SUN2: variants seen among roughly 807,000 people sequenced by gnomAD.
SUN2 encodes Sad1 and UNC84 domain containing 2, also known as SUN domain-containing protein 2.
In SUN2, 60 loss-of-function variants were observed where a neutral mutation model predicts 100.0. That is an observed-to-expected ratio of 0.60 (90% CI 0.49 to 0.74). The LOEUF is 0.74. SUN2 is among the 30% of genes least tolerant of loss of function. The probability of loss-of-function intolerance (pLI) is 0.00; values close to 1 mark genes in which losing one functional copy is unlikely to be tolerated. For synonymous variants in SUN2, 367 were observed against 403.3 expected (o/e 0.91, Z 1.08); for missense variants, 834 against 954.6 (o/e 0.87, Z 1.66).
chr22:38,740,241 G>T lies in SUN2; in HGVS notation c.1356+26C>A, dbSNP rs1441964639. The T allele has an allele frequency of 6.5e-7, 1 of 1,527,476 alleles. No individual in the cohort carries two copies. Among genetic ancestry groups the T allele is most frequent in the African/African-American group, 1.4e-5 (1 of 72,984 alleles). 94.6% of individuals were successfully genotyped at this position (1,527,476 alleles called of 1,614,324 possible). A position where few individuals can be genotyped will look rare whatever the true frequency, so the allele number is the denominator to read the frequency against. On this transcript the variant is annotated intron_variant, in intron 12 of 17. Transcript: ENST00000689035. The surrounding 1 kb of genome is among the most constrained non-coding windows in gnomAD (Gnocchi z 4.8). ...TCTCAAAGGAGGAGGAGAGGGACCA[G>T]CAGGGCCCTGGTGGTTCCCACTCAC...
intron 4 of SUN2, among the ~76,000 whole-genome samples, chr22:38,750,636 A>T (rs1271152208): frequency 6.6e-6 from 1 of 152,248 alleles, no homozygotes; most frequent in East Asian, 1.9e-4. Flanking sequence ...AAGTGCTGGA[A>T]TGGGCCTGAA....
rs933764195 is a variant in SUN2, at chr22:38,755,956, C to A, written c.-231G>T. 3.1e-6 allele frequency: 3 copies of A among 983,198 alleles called. No individual in the cohort carries two copies. The highest frequency in any genetic ancestry group is 5.2e-4 in the Middle Eastern group (1 of 1,914). The allele number at this position is 983,198 out of a possible 1,614,324, so 60.9% of individuals were successfully genotyped here. On this transcript the variant is annotated 5_prime_UTR_variant, in exon 1 of 18. Coordinates refer to ENST00000689035, the MANE Select transcript of SUN2 (RefSeq NM_015374.3). This position sits in a 1 kb window ranked among gnomAD's most constrained non-coding sequence, Gnocchi z 5.7. ...GCGGGCGGGCGGACAATGCGGCCGG[C>A]GGAGGCCCGCGCTGCGCGAGTGGGG...
At position 38,752,677 on chromosome 22, in the gene SUN2, G is replaced by C. The variant is rs1323801289; in HGVS notation, c.-37-12C>G. On this transcript the variant is annotated splice_polypyrimidine_tract_variant and intron_variant, in intron 1 of 17. Coordinates refer to ENST00000689035, the MANE Select transcript of SUN2 (RefSeq NM_015374.3). ...CCCCTGAAGAGAATCTAAGGAGAGA[G>C]AGGAGGAGGACTGGATGTGAGGCCT... The C allele has an allele frequency of 6.2e-7, 1 of 1,603,324 alleles. No individual in the cohort carries two copies. Among genetic ancestry groups the C allele is most frequent in the South Asian group, 1.1e-5 (1 of 90,090 alleles).
rs374339478 is a variant in SUN2 at position 38,738,141 on chromosome 22, G to A, written c.2040+32C>T. The A allele has an allele frequency of 2.2e-5, 36 of 1,601,742 alleles. No homozygotes were observed. The highest frequency in any genetic ancestry group is 2.7e-5 in the Non-Finnish European group (31 of 1,169,162). On this transcript the variant is annotated intron_variant, in intron 17 of 17. Coordinates refer to ENST00000689035, the MANE Select transcript of SUN2 (RefSeq NM_015374.3). This position sits in a 1 kb window ranked among gnomAD's most constrained non-coding sequence, Gnocchi z 6.6. ...CCTGCTGCCTGGATGGGGAGTCTGCGCCACTTCTGCTAGCACAGCAGCATC... is the reference window on the plus strand; with the variant it reads ...CCTGCTGCCTGGATGGGGAGTCTGCACCACTTCTGCTAGCACAGCAGCATC...
intron 1 of SUN2, among the ~76,000 whole-genome samples, chr22:38,753,072 G>A (rs1278435355): frequency 6.6e-6 from 1 of 152,078 alleles, no homozygotes. Flanking sequence ...CGGTGGTCCA[G>A]CCACCCCACC....
chr22:38,737,391 C>A lies in SUN2; in HGVS notation c.2040+782G>T, dbSNP rs189689030. Among the ~76,000 whole-genome samples the A allele has an allele frequency of 2.0e-5, 3 of 152,264 alleles. No homozygotes were observed. The highest frequency in any genetic ancestry group is 4.8e-5 in the African/African-American group (2 of 41,556). ...GCTACGTCTTTGTCCTCACTCCCAA[C>A]GCCCCTCTCCCCCACCTATCCTGTT... On this transcript the variant is annotated intron_variant, in intron 17 of 17. Transcript: ENST00000689035. This position sits in a 1 kb window ranked among gnomAD's most constrained non-coding sequence, Gnocchi z 4.1.
At chr22:38,750,203 C>G in intron 5 of SUN2, 22 bp downstream of exon 5, 1 of 1,603,994 alleles carries the variant, frequency 6.2e-7, no homozygotes, top group East Asian at 2.2e-5. Context: ...ATGGAAGTAA[C>G]TGGGCACGGG....
chr22:38,753,982 G>A (rs893108602), intron 1 of SUN2, among the ~76,000 whole-genome samples: 6 of 152,186 alleles, frequency 3.9e-5, no homozygotes, highest in Non-Finnish European at 8.8e-5. Context: ...ATACAAACTT[G>A]TTACACAACA....
At chr22:38,741,390 C>T (rs1262352053) in intron 10 of SUN2, 104 bp downstream of exon 10, 2 of 1,212,790 alleles carry the variant, frequency 1.6e-6, no homozygotes, top group Non-Finnish European at 2.4e-6. Context: ...CCTCCCCATG[C>T]AACACCCAAA....
At chr22:38,754,733 C>T in intron 1 of SUN2, 1 of 1,289,158 alleles carries the variant, frequency 7.8e-7, no homozygotes, top group South Asian at 1.2e-5. Context: ...AACAAGGCAA[C>T]ATGTTTATAC....
Position 38,737,970 on chromosome 22 carries a change from CCTT to C in SUN2, c.2040+200_2040+202del, listed in dbSNP as rs2092821000. 6 of 706,456 alleles carry C rather than the reference CCTT, an allele frequency of 8.5e-6. No homozygotes were observed. Among genetic ancestry groups the C allele is most frequent in the Non-Finnish European group, 1.6e-5 (6 of 378,746 alleles). 43.8% of individuals were successfully genotyped at this position (706,456 alleles called of 1,614,324 possible). On this transcript the variant is annotated intron_variant, in intron 17 of 17. Transcript: ENST00000689035. This position sits in a 1 kb window ranked among gnomAD's most constrained non-coding sequence, Gnocchi z 4.1. ...TTCCAGGAAGCTTCCCTCATGCTGC[CCTT>C]CTGGAAGGTGCCTTCCCCTGTGCTG... is the stretch of plus-strand genomic sequence containing the variant.
At chr22:38,742,171 G>A (rs1168152355) in intron 9 of SUN2, 130 bp downstream of exon 9, 3 of 1,168,524 alleles carry the variant, frequency 2.6e-6, no homozygotes, top group Non-Finnish European at 3.5e-6. Flanking sequence ...GAAAAAAAGA[G>A]AAAGGGAGTA....
At chr22:38,736,513 A>C in intron 17 of SUN2, 133 bp from the exon 18 acceptor site, 3 of 656,848 alleles carry the variant, frequency 4.6e-6, no homozygotes, top group Non-Finnish European at 7.4e-6. Context: ...TCTGAAGAGA[A>C]CCAGGCTTCA....
chr22:38,753,249 G>A (rs2092961586), intron 1 of SUN2, among the ~76,000 whole-genome samples: 1 of 128,616 alleles, frequency 7.8e-6, no homozygotes, highest in South Asian at 2.5e-4. Context: ...GGAGTCTCGC[G>A]CTGCCTCCCA....
rs1569296476 is a variant in SUN2, at chr22:38,740,265, A to T, written c.1356+2T>A. ...AGCAGGGCCCTGGTGGTTCCCACTC[A>T]CGTCGTCCCGCACGGCCTGGATCTG... On this transcript the variant is annotated splice_donor_variant, in intron 12 of 17. Coordinates refer to ENST00000689035, the MANE Select transcript of SUN2 (RefSeq NM_015374.3). LOFTEE classifies it high-confidence loss of function. The surrounding 1 kb of genome is among the most constrained non-coding windows in gnomAD (Gnocchi z 4.8). 6.4e-7 allele frequency: 1 copy of T among 1,571,650 alleles called. No individual in the cohort carries two copies. The highest frequency in any genetic ancestry group is 1.2e-5 in the South Asian group (1 of 85,584).
intron 17 of SUN2, 161 bp from the exon 18 acceptor site, chr22:38,736,541 C>G: frequency 1.8e-6 from 1 of 544,326 alleles, no homozygotes; most frequent in Non-Finnish European, 3.2e-6. Flanking sequence ...CTATCTTTAG[C>G]CTCCTGAGCA....
intron 8 of SUN2, chr22:38,745,256 C>A: frequency 4.3e-6 from 2 of 462,916 alleles, no homozygotes; most frequent in South Asian, 3.1e-5. Context: ...GCTGACCCCC[C>A]CAGCCAACTG....
At position 38,751,326 on chromosome 22, in the gene SUN2, G is replaced by A. The variant is rs962711383; in HGVS notation, c.170C>T (p.Pro57Leu). The stretch of plus-strand genomic sequence containing the variant: ...TGCATCAGAGGACGGGCCCAGCTGT[G>A]GCGCTGGGGACAGGCGCTTCATGTT... ...SSNMKRLSPA[P>L]QLGPSSDAHT... Residue 57 changes from proline to leucine, a missense_variant, in exon 3 of 18, where the codon CCA (proline) becomes CTA (leucine). Around this residue, in one of 3 missense-constraint regions of SUN2, gnomAD observed 559 missense variants for 597.7 expected, o/e 0.94. Transcript: ENST00000689035. The A allele has an allele frequency of 6.2e-7, 1 of 1,613,976 alleles. No homozygotes were observed. The highest frequency in any genetic ancestry group is 8.5e-7 in the Non-Finnish European group (1 of 1,180,022).
intron 1 of SUN2, among the ~76,000 whole-genome samples, chr22:38,753,292 T>C (rs2092961902): frequency 1.4e-5 from 2 of 140,526 alleles, no homozygotes; most frequent in African/African-American, 5.4e-5. Context: ...CTTGGCTCAC[T>C]GCAACCTCTA....
Sources: gnomAD v4.1 joint callset for allele counts (sites outside exome capture counted in the v4.1 genomes callset) on GRCh38, gnomAD v4.1.1 for gene constraint, gnomAD v4.1.1 regional missense constraint, Gnocchi (gnomAD v3.1) non-coding constraint, MANE v1.5 for transcripts, NCBI Gene and HGNC (gene_info 2026-07-23, HGNC 2026-07-21) for gene names.